Variants in GPHN observed in about 807,000 individuals in gnomAD.
GPHN encodes the protein gephyrin.
A neutral mutation model predicts 95.5 loss-of-function variants in GPHN; 17 were observed. The ratio of observed to expected loss-of-function variants is 0.18; its 90% CI spans 0.12 to 0.27. The LOEUF (loss-of-function observed/expected upper bound fraction) is 0.27. GPHN is among the 10% of genes least tolerant of loss of function. GPHN has a pLI of 1.00. For missense variants in GPHN, 660 were observed against 978.1 expected (o/e 0.67, Z 4.34); for synonymous variants, 320 against 322.5 (o/e 0.99, Z 0.08).
At chr14:67,253,423 A>G in the GPHN span, among the ~76,000 whole-genome samples, 1 of 152,216 alleles carries the variant, frequency 6.6e-6, no homozygotes, top group South Asian at 2.1e-4. Flanking sequence ...GTTGTCCTAA[A>G]CAGTTTACTT....
At chr14:67,123,730 C>T (rs1005797969) in intron 17 of GPHN, among the ~76,000 whole-genome samples, 1 of 152,114 alleles carries the variant, frequency 6.6e-6, no homozygotes, top group Non-Finnish European at 1.5e-5. Flanking sequence ...CCATGGACCA[C>T]GTACAACCCA....
intron 8 of GPHN, among the ~76,000 whole-genome samples, chr14:66,926,999 A>G (rs556599624): frequency 6.6e-6 from 1 of 152,226 alleles, no homozygotes; most frequent in South Asian, 2.1e-4. Context: ...CTTTGTAGCT[A>G]TTGTAAATGG....
At chr14:66,965,122 A>G (rs1188755467) in intron 8 of GPHN, 69 bp from the exon 9 acceptor site, 3 of 1,324,066 alleles carry the variant, frequency 2.3e-6, no homozygotes, top group Admixed American at 1.7e-5. Flanking sequence ...GCTAAAACAA[A>G]GGGGGTCTTG....
At chr14:66,825,770 C>T (rs918794247) in intron 4 of GPHN, among the ~76,000 whole-genome samples, 3 of 152,072 alleles carry the variant, frequency 2.0e-5, no homozygotes, top group Admixed American at 1.3e-4. Flanking sequence ...CAATCAAAAT[C>T]GAGTCGTATT....
the GPHN span, chr14:67,586,146 G>A: frequency 6.3e-7 from 1 of 1,599,522 alleles, no homozygotes; most frequent in Non-Finnish European, 8.5e-7. Flanking sequence ...GATGTGGTGG[G>A]CTTGGAGCTT....
chr14:67,533,281 G>C, the GPHN span: 2 of 152,082 alleles, frequency 1.3e-5, no homozygotes, highest in South Asian at 4.1e-4. Context: ...TGCCGGGGAG[G>C]GGAGAACCGG....
chr14:66,887,711 T>C (rs2064271277), intron 5 of GPHN, among the ~76,000 whole-genome samples: 1 of 151,834 alleles, frequency 6.6e-6, no homozygotes, highest in African/African-American at 2.4e-5. Flanking sequence ...TGAAGAAAAA[T>C]TACAAGGCAT....
the GPHN span, among the ~76,000 whole-genome samples, chr14:67,400,842 T>G: frequency 6.6e-6 from 1 of 151,658 alleles, no homozygotes; most frequent in Non-Finnish European, 1.5e-5. Flanking sequence ...AATTAAAAAT[T>G]AGCTGGGCAT....
At chr14:67,489,947 G>A in the GPHN span, among the ~76,000 whole-genome samples, 5 of 151,186 alleles carry the variant, frequency 3.3e-5, no homozygotes, top group South Asian at 4.2e-4. Flanking sequence ...CTGAGACCAC[G>A]CCACTGCACT....
the GPHN span, chr14:67,648,003 G>GTTAAGTATTATT: frequency 3.9e-6 from 6 of 1,532,370 alleles, no homozygotes; most frequent in Non-Finnish European, 5.3e-6. Context: ...AGGACAACCA[G>GTTAAGTATTATT]TTAAGTATTA....
chr14:67,082,431 T>A (rs2076728116), intron 11 of GPHN, among the ~76,000 whole-genome samples: 1 of 152,178 alleles, frequency 6.6e-6, no homozygotes, highest in Non-Finnish European at 1.5e-5. Flanking sequence ...TTATCAGAGA[T>A]CATTTGACTA....
At chr14:66,799,233 A>T (rs1291123715) in intron 3 of GPHN, among the ~76,000 whole-genome samples, 2 of 152,012 alleles carry the variant, frequency 1.3e-5, no homozygotes, top group Non-Finnish European at 2.9e-5. Context: ...TTGTGACCTA[A>T]CATATGGTCT....
chr14:66,667,874 A>T (rs2066060397), intron 1 of GPHN, among the ~76,000 whole-genome samples: 1 of 152,196 alleles, frequency 6.6e-6, no homozygotes, highest in South Asian at 2.1e-4. Flanking sequence ...ATGGCAGAAA[A>T]TTTTTGCAAA....
chr14:66,700,297 C>T (rs559517943), intron 2 of GPHN, among the ~76,000 whole-genome samples: 11 of 152,126 alleles, frequency 7.2e-5, no homozygotes, highest in East Asian at 1.9e-4. Context: ...AGAAATTTAA[C>T]GAATATTTTA....
At chr14:66,921,772 A>G (rs2066229417) in intron 6 of GPHN, among the ~76,000 whole-genome samples, 1 of 152,170 alleles carries the variant, frequency 6.6e-6, no homozygotes, top group Non-Finnish European at 1.5e-5. Flanking sequence ...AAGCAAAAAG[A>G]ACAAATCTGG....
At chr14:66,836,626 C>G (rs1055878985) in intron 4 of GPHN, among the ~76,000 whole-genome samples, 1 of 139,978 alleles carries the variant, frequency 7.1e-6, no homozygotes, top group African/African-American at 2.9e-5. Flanking sequence ...TTCTGCACAG[C>G]AAAAGAAACT....
chr14:67,188,534 A>G, the GPHN span, among the ~76,000 whole-genome samples: 2 of 152,220 alleles, frequency 1.3e-5, no homozygotes, highest in African/African-American at 4.8e-5. Context: ...TGATCATGCA[A>G]TAAGTATGCT....
intron 2 of GPHN, 129 bp downstream of exon 2, chr14:66,681,314 A>T: frequency 1.5e-6 from 1 of 662,518 alleles, no homozygotes; most frequent in South Asian, 1.7e-5. Flanking sequence ...AATGCGTTTT[A>T]CACATATTGA....
chr14:66,953,837 A>AGTCTGGCCAAAATGGTGAAACCC (rs2068289261), intron 8 of GPHN, among the ~76,000 whole-genome samples: 2 of 152,174 alleles, frequency 1.3e-5, no homozygotes, highest in South Asian at 4.1e-4. Flanking sequence ...GTTTGAGACC[A>AGTCTGGCCAAAATGGTGAAACCC]CTCTGGCCAA....
Sources: allele counts gnomAD v4.1 joint callset (sites outside exome capture counted in the v4.1 genomes callset), GRCh38; gene constraint gnomAD v4.1.1; transcripts MANE v1.5; gene names NCBI Gene and HGNC (gene_info 2026-07-23, HGNC 2026-07-21).